The following ROBO2 variants were observed in gnomAD, a reference collection of about 807,000 sequenced individuals.
ROBO2 encodes the protein roundabout guidance receptor 2, also known as roundabout homolog 2.
In ROBO2, 53 loss-of-function variants were observed where a neutral mutation model predicts 160.8. That is an observed-to-expected ratio of 0.33 (90% CI 0.26 to 0.41). ROBO2 has a LOEUF of 0.41. Among genes scored for constraint, ROBO2 ranks in the 10% least tolerant of loss-of-function variants. The pLI, the probability that ROBO2 is intolerant of heterozygous loss-of-function variation, is 1.00. For synonymous variants in ROBO2, 664 were observed against 611.7 expected (o/e 1.09, Z -1.26); for missense variants, 1,577 against 1,722.4 (o/e 0.92, Z 1.49).
intron 2 of ROBO2, among the ~76,000 whole-genome samples, chr3:77,413,060 A>G (rs939572936): frequency 6.6e-6 from 1 of 152,150 alleles, no homozygotes; most frequent in Non-Finnish European, 1.5e-5. Flanking sequence ...AAATAAAAAT[A>G]ATAAAAATAT....
chr3:76,348,433 G>C (rs2074668438), intron 2 of ROBO2, among the ~76,000 whole-genome samples: 1 of 152,118 alleles, frequency 6.6e-6, no homozygotes, highest in African/African-American at 2.4e-5. Context: ...TTAAAGTGCA[G>C]AAATTGGCAT....
intron 2 of ROBO2, among the ~76,000 whole-genome samples, chr3:76,194,369 T>C (rs1485945457): frequency 8.2e-6 from 1 of 121,528 alleles, no homozygotes; most frequent in East Asian, 2.2e-4. Context: ...TATATATATA[T>C]ATATATATAT....
chr3:76,331,904 G>A (rs35585806), intron 2 of ROBO2, among the ~76,000 whole-genome samples: 24 of 151,734 alleles, frequency 1.6e-4, no homozygotes, highest in Non-Finnish European at 2.8e-4. Context: ...GGCTGTTCTC[G>A]AACTCCTGAC....
intron 5 of ROBO2, among the ~76,000 whole-genome samples, chr3:77,501,884 A>T (rs541278302): frequency 4.6e-5 from 7 of 152,144 alleles, no homozygotes; most frequent in Non-Finnish European, 8.8e-5. Context: ...CTGAATGCTT[A>T]CTTAGGCTTT....
intron 20 of ROBO2, 25 bp from the exon 22 acceptor site, chr3:77,607,773 T>C (rs2094553447): frequency 6.2e-7 from 1 of 1,608,708 alleles, no homozygotes; most frequent in African/African-American, 1.3e-5. Context: ...TTGGCATCTC[T>C]GAATAAATAC....
intron 2 of ROBO2, among the ~76,000 whole-genome samples, chr3:76,672,963 T>G (rs540660348): frequency 6.6e-6 from 1 of 152,312 alleles, no homozygotes; most frequent in Non-Finnish European, 1.5e-5. Flanking sequence ...AACCATTATC[T>G]TGGATTCCAG....
At chr3:76,719,143 G>A (rs1190668934) in intron 2 of ROBO2, among the ~76,000 whole-genome samples, 1 of 152,102 alleles carries the variant, frequency 6.6e-6, no homozygotes, top group Non-Finnish European at 1.5e-5. Context: ...TATATTGGTT[G>A]CTAAGGTTTT....
At chr3:76,405,727 T>C (rs2108792001) in intron 2 of ROBO2, among the ~76,000 whole-genome samples, 1 of 151,784 alleles carries the variant, frequency 6.6e-6, no homozygotes, top group South Asian at 2.1e-4. Flanking sequence ...TCCACACTCT[T>C]AATGTCAAAA....
At chr3:77,376,074 C>T (rs977013132) in intron 2 of ROBO2, among the ~76,000 whole-genome samples, 1 of 151,668 alleles carries the variant, frequency 6.6e-6, no homozygotes, top group Non-Finnish European at 1.5e-5. Flanking sequence ...GGAATAGCTA[C>T]TGGTAGCAGA....
intron 2 of ROBO2, among the ~76,000 whole-genome samples, chr3:76,034,820 C>T (rs761528574): frequency 1.8e-4 from 28 of 152,096 alleles, no homozygotes; most frequent in Non-Finnish European, 3.8e-4. Context: ...CATCATGCCC[C>T]ACCTCATGGC....
intron 2 of ROBO2, among the ~76,000 whole-genome samples, chr3:77,167,968 G>A (rs995001568): frequency 2.0e-5 from 3 of 152,126 alleles, no homozygotes; most frequent in African/African-American, 4.8e-5. Flanking sequence ...ACTTGTCTTC[G>A]TCTTGATCAG....
intron 2 of ROBO2, among the ~76,000 whole-genome samples, chr3:76,109,474 C>T (rs1308910355): frequency 6.6e-6 from 1 of 151,972 alleles, no homozygotes; most frequent in Non-Finnish European, 1.5e-5. Flanking sequence ...GCAGGCATCA[C>T]CCTAAGGAGC....
chr3:76,660,567 T>C (rs1302509441), intron 2 of ROBO2, among the ~76,000 whole-genome samples: 2 of 152,176 alleles, frequency 1.3e-5, no homozygotes, highest in Non-Finnish European at 2.9e-5. Flanking sequence ...AATAAAAACA[T>C]TAATTGGATG....
At chr3:76,380,981 A>G (rs1009608369) in intron 2 of ROBO2, among the ~76,000 whole-genome samples, 1 of 151,996 alleles carries the variant, frequency 6.6e-6, no homozygotes, top group African/African-American at 2.4e-5. Flanking sequence ...AACTACTGTA[A>G]CACAAAAGTA....
At chr3:77,623,374 C>A (rs371920352) in intron 23 of ROBO2, among the ~76,000 whole-genome samples, 1 of 152,236 alleles carries the variant, frequency 6.6e-6, no homozygotes, top group Non-Finnish European at 1.5e-5. Context: ...ACCACAATCC[C>A]GCTTAATTCA....
At chr3:77,317,851 T>TA (rs1364448049) in intron 2 of ROBO2, among the ~76,000 whole-genome samples, 6 of 19,926 alleles carry the variant, frequency 3.0e-4, no homozygotes, top group East Asian at 2.0e-3. Context: ...AGGGGGCTGC[T>TA]GGGGGGCTGC....
intron 2 of ROBO2, among the ~76,000 whole-genome samples, chr3:76,588,491 T>A (rs193134076): frequency 6.6e-6 from 1 of 152,310 alleles, no homozygotes; most frequent in East Asian, 1.9e-4. Flanking sequence ...AAATTTAAAA[T>A]GTGTATAAAG....
chr3:77,459,652 T>C (rs765321492), intron 2 of ROBO2, among the ~76,000 whole-genome samples: 1 of 152,196 alleles, frequency 6.6e-6, no homozygotes, highest in Non-Finnish European at 1.5e-5. Flanking sequence ...TTAGTTTGGG[T>C]AGTCCTAACA....
At chr3:76,160,936 G>C (rs1238024700) in intron 2 of ROBO2, among the ~76,000 whole-genome samples, 1 of 152,068 alleles carries the variant, frequency 6.6e-6, no homozygotes, top group Non-Finnish European at 1.5e-5. Flanking sequence ...TTCTTGTAAA[G>C]ATTCTGACAT....
Sources: gnomAD v4.1 joint callset for allele counts (sites outside exome capture counted in the v4.1 genomes callset) on GRCh38, gnomAD v4.1.1 for gene constraint, MANE v1.5 for transcripts, NCBI Gene and HGNC (gene_info 2026-07-23, HGNC 2026-07-21) for gene names.